The following MARCHF1 variants were observed in gnomAD, a reference collection of about 807,000 sequenced individuals.
The protein encoded by MARCHF1 is E3 ubiquitin-protein ligase MARCHF1.
In MARCHF1, 40 loss-of-function variants were observed where a neutral mutation model predicts 54.2. The ratio of observed to expected loss-of-function variants is 0.74; its 90% CI spans 0.57 to 0.96. The LOEUF (loss-of-function observed/expected upper bound fraction) is 0.96. Ranked by LOEUF, MARCHF1 falls within the 40% of genes least tolerant of loss-of-function variation. MARCHF1 has a pLI of 0.00. For missense variants in MARCHF1, 586 were observed against 656.5 expected (o/e 0.89, Z 1.17); for synonymous variants, 236 against 236.3 (o/e 1.00, Z 0.01).
intron 1 of MARCHF1, among the ~76,000 whole-genome samples, chr4:164,343,443 GAAAA>G: frequency 6.6e-6 from 1 of 152,098 alleles, no homozygotes; most frequent in Non-Finnish European, 1.5e-5. Flanking sequence ...CAGAATGGGA[GAAAA>G]TATTTGCAAA....
At chr4:163,795,620 G>C (rs1358015401) in intron 4 of MARCHF1, among the ~76,000 whole-genome samples, 1 of 152,162 alleles carries the variant, frequency 6.6e-6, no homozygotes, top group Non-Finnish European at 1.5e-5. Flanking sequence ...TTTTTCTCTT[G>C]AACTGTCTGT....
At chr4:163,545,811 C>T in intron 8 of MARCHF1, 68 bp from the exon 9 acceptor site, 4 of 1,440,064 alleles carry the variant, frequency 2.8e-6, no homozygotes, top group South Asian at 2.4e-5. Context: ...CTTTTATTTC[C>T]CAGACACAGA....
At chr4:164,125,439 G>A (rs1222660349) in intron 1 of MARCHF1, among the ~76,000 whole-genome samples, 1 of 152,060 alleles carries the variant, frequency 6.6e-6, no homozygotes, top group Non-Finnish European at 1.5e-5. Flanking sequence ...ACTTCATTGA[G>A]GACCAAGTTT....
Position 163,545,596 on chromosome 4 carries a change from C to T in MARCHF1, c.1339G>A (p.Gly447Ser). 6.2e-7 allele frequency: 1 copy of T among 1,612,600 alleles called. No homozygotes were observed. The highest frequency in any genetic ancestry group is 8.5e-7 in the Non-Finnish European group (1 of 1,179,306). ...AEEIKQGNDNGVLEWPFWTKL... is the reference protein window; with the variant it reads ...AEEIKQGNDNSVLEWPFWTKL... ...GGTAAGAAGAAAGATGTGCTCTTAC[C>T]ATTGTCATTGCCTTGCTTGATTTCC... Residue 447 changes from glycine to serine, a missense_variant and splice_region_variant, in exon 9 of 10, where the codon GGT becomes AGT. Gly to Ser is a moderately conservative substitution (Grantham distance 56, BLOSUM62 0). Coordinates refer to ENST00000514618, the MANE Select transcript of MARCHF1 (RefSeq NM_001394959.1).
At chr4:164,036,112 A>C (rs200146460) in intron 2 of MARCHF1, among the ~76,000 whole-genome samples, 1 of 123,032 alleles carries the variant, frequency 8.1e-6, no homozygotes, top group African/African-American at 4.0e-5. Context: ...CAAAAAAAAA[A>C]AAAACAAAAA....
chr4:164,263,822 T>C (rs963808188), intron 1 of MARCHF1, among the ~76,000 whole-genome samples: 6 of 152,078 alleles, frequency 3.9e-5, no homozygotes, highest in Non-Finnish European at 8.8e-5. Flanking sequence ...TCAGAATGGC[T>C]ATCATTAAAA....
chr4:164,197,493 T>C, intron 1 of MARCHF1: 1 of 1,613,658 alleles, frequency 6.2e-7, no homozygotes, highest in East Asian at 2.2e-5. Flanking sequence ...CCAGGCCCCC[T>C]GAGACTCTTA....
intron 1 of MARCHF1, among the ~76,000 whole-genome samples, chr4:164,175,667 A>G (rs1468636562): frequency 2.0e-5 from 3 of 152,164 alleles, no homozygotes; most frequent in African/African-American, 4.8e-5. Context: ...GCCTTAGGAG[A>G]AAAGACTGAG....
chr4:163,815,607 T>C (rs1292219454), intron 4 of MARCHF1, among the ~76,000 whole-genome samples: 1 of 152,180 alleles, frequency 6.6e-6, no homozygotes, highest in Non-Finnish European at 1.5e-5. Context: ...ACCCAATTTA[T>C]TTGCATTCTG....
In MARCHF1 at chr4:163,975,111, A is replaced by G. The variant is rs539845733; in HGVS notation, c.-39+13390T>C. On this transcript the variant is annotated intron_variant, in intron 3 of 9. Coordinates refer to ENST00000514618, the MANE Select transcript of MARCHF1 (RefSeq NM_001394959.1). ...ACTTTCCTTGTTCTCCAGCTTGCCA[A>G]TCTTGGGACTTCTCAGCCTCCATAA... 6.0e-5 allele frequency among the ~76,000 whole-genome samples: 9 copies of G among 150,532 alleles called. No individual in the cohort carries two copies. The South Asian group carries it at 6.3e-4, about 11-fold the overall frequency.
chr4:163,860,704 T>C (rs1047875532), intron 3 of MARCHF1, among the ~76,000 whole-genome samples: 2 of 152,200 alleles, frequency 1.3e-5, no homozygotes, highest in Admixed American at 1.3e-4. Context: ...AACAGTGATG[T>C]ATAGCTTAAA....
chr4:164,097,751 G>T (rs184442436), intron 2 of MARCHF1, among the ~76,000 whole-genome samples: 4 of 152,278 alleles, frequency 2.6e-5, no homozygotes, highest in Non-Finnish European at 5.9e-5. Flanking sequence ...ACATTTTCCA[G>T]AATCTCCTTC....
At chr4:164,321,305 A>T (rs999048172) in intron 1 of MARCHF1, among the ~76,000 whole-genome samples, 2 of 152,186 alleles carry the variant, frequency 1.3e-5, no homozygotes, top group Non-Finnish European at 2.9e-5. Flanking sequence ...AAGTAATTTT[A>T]AAAATTAGGA....
At chr4:163,619,205 T>C (rs539112165) in intron 5 of MARCHF1, among the ~76,000 whole-genome samples, 1 of 152,288 alleles carries the variant, frequency 6.6e-6, no homozygotes, top group Non-Finnish European at 1.5e-5. Context: ...TTGCAAGTAT[T>C]CAGCAGGAAA....
chr4:163,856,923 G>A (rs987053720), intron 3 of MARCHF1, among the ~76,000 whole-genome samples: 4 of 151,970 alleles, frequency 2.6e-5, no homozygotes, highest in Non-Finnish European at 5.9e-5. Context: ...GCTGGGGCAG[G>A]AGAATTGCTT....
chr4:163,931,803 A>G (rs1751683325), intron 3 of MARCHF1, among the ~76,000 whole-genome samples: 1 of 152,188 alleles, frequency 6.6e-6, no homozygotes, highest in Non-Finnish European at 1.5e-5. Flanking sequence ...AAACTGAACT[A>G]AAACCTCTCC....
chr4:164,244,739 G>C (rs180911192), intron 1 of MARCHF1, among the ~76,000 whole-genome samples: 2,935 of 151,826 alleles, frequency 0.019, 98 homozygotes, highest in East Asian at 0.12. Context: ...AAAGAGAGAA[G>C]AATCAAATAG....
intron 8 of MARCHF1, among the ~76,000 whole-genome samples, chr4:163,563,647 TTTA>T (rs1489007403): frequency 6.6e-6 from 1 of 152,154 alleles, no homozygotes; most frequent in African/African-American, 2.4e-5. Flanking sequence ...CCTCAGAAGA[TTTA>T]TTTAGTCTGT....
chr4:164,144,414 C>G (rs576781116), intron 1 of MARCHF1, among the ~76,000 whole-genome samples: 9 of 150,518 alleles, frequency 6.0e-5, no homozygotes, highest in East Asian at 1.9e-4. Context: ...TGACCACATA[C>G]TTGGAAGTAA....
Sources: gnomAD v4.1 joint callset for allele counts (sites outside exome capture counted in the v4.1 genomes callset) on GRCh38, gnomAD v4.1.1 for gene constraint, MANE v1.5 for transcripts, NCBI Gene and HGNC (gene_info 2026-07-23, HGNC 2026-07-21) for gene names.